STK3: variants seen among roughly 807,000 people sequenced by gnomAD.
STK3 encodes the protein serine/threonine-protein kinase 3.
In STK3, 41 loss-of-function variants were observed where a neutral mutation model predicts 58.0. That is an observed-to-expected ratio of 0.71 (90% CI 0.55 to 0.92). STK3 has a LOEUF of 0.92. Among genes scored for constraint, STK3 ranks in the 40% least tolerant of loss-of-function variants. The probability of loss-of-function intolerance (pLI) is 0.00; values close to 1 mark genes in which losing one functional copy is unlikely to be tolerated. For missense variants in STK3, 479 were observed against 602.7 expected, an observed-to-expected ratio of 0.79 and a Z score of 2.15; for synonymous variants, 170 against 191.0, an observed-to-expected ratio of 0.89 and a Z score of 0.91.
At chr8:98,814,350 ATTTTT>A (rs34675136) in intron 1 of STK3, among the ~76,000 whole-genome samples, 1 of 134,916 alleles carries the variant, frequency 7.4e-6, no homozygotes. Flanking sequence ...CGCGCCCAGC[ATTTTT>A]TTTTTTTTTT....
chr8:98,356,571 A>C, the STK3 span, among the ~76,000 whole-genome samples: 1 of 152,236 alleles, frequency 6.6e-6, no homozygotes, highest in Non-Finnish European at 1.5e-5. Context: ...GGGGGGCTCC[A>C]GTACATGCAG....
At chr8:98,820,139 C>T (rs1034582804) in intron 1 of STK3, among the ~76,000 whole-genome samples, 3 of 152,116 alleles carry the variant, frequency 2.0e-5, no homozygotes, top group African/African-American at 7.2e-5. Flanking sequence ...CTCATTTGCC[C>T]TTATGAAATT....
intron 6 of STK3, chr8:98,633,465 C>G (rs1192104304): frequency 1.7e-6 from 1 of 582,412 alleles, no homozygotes; most frequent in East Asian, 3.1e-5. Flanking sequence ...TCAGTTGGTA[C>G]TGATCCAGAA....
intron 6 of STK3, among the ~76,000 whole-genome samples, chr8:98,682,055 A>C (rs1823677717): frequency 6.6e-6 from 1 of 152,224 alleles, no homozygotes; most frequent in South Asian, 2.1e-4. Flanking sequence ...AAGATCCAGA[A>C]AAAGCAATGA....
At chr8:98,540,036 G>A (rs1304928021) in intron 9 of STK3, among the ~76,000 whole-genome samples, 1 of 152,128 alleles carries the variant, frequency 6.6e-6, no homozygotes, top group Non-Finnish European at 1.5e-5. Flanking sequence ...TTACAGGCGT[G>A]AGCCACTGCG....
chr8:98,580,634 ACAGGGGCTTGCTCTGTTGCC>A (rs1291976470), intron 7 of STK3, among the ~76,000 whole-genome samples: 2 of 152,192 alleles, frequency 1.3e-5, no homozygotes, highest in Non-Finnish European at 2.9e-5. Flanking sequence ...TTTGTTTGAG[ACAGGGGCTTGCTCTGTTGCC>A]CAGATGCGAG....
chr8:98,871,259 G>C (rs1234419625), intron 3 of STK3, among the ~76,000 whole-genome samples: 2 of 152,188 alleles, frequency 1.3e-5, no homozygotes, highest in African/African-American at 4.8e-5. Flanking sequence ...TTGTAGTATA[G>C]TTTGAGGTCA....
At chr8:98,445,481 AAAG>A (rs1436849246) in intron 1 of STK3, among the ~76,000 whole-genome samples, 1 of 152,182 alleles carries the variant, frequency 6.6e-6, no homozygotes, top group Non-Finnish European at 1.5e-5. Context: ...AATAAATATA[AAAG>A]ATTATTGAGA....
chr8:98,700,520 A>G (rs368514338), intron 6 of STK3, among the ~76,000 whole-genome samples: 39 of 151,632 alleles, frequency 2.6e-4, no homozygotes, highest in African/African-American at 8.4e-4. Context: ...TGCTTCCCCA[A>G]TAAAATCAAT....
intron 6 of STK3, among the ~76,000 whole-genome samples, chr8:98,665,511 C>T (rs899237185): frequency 6.6e-6 from 1 of 152,058 alleles, no homozygotes; most frequent in East Asian, 1.9e-4. Flanking sequence ...AATCCTCCCA[C>T]ATCAGCCTCC....
chr8:98,483,394 A>C (rs1821997854), intron 10 of STK3, among the ~76,000 whole-genome samples: 1 of 152,204 alleles, frequency 6.6e-6, no homozygotes, highest in Admixed American at 6.5e-5. Context: ...GATTTTTTAC[A>C]CCAGATTAGC....
chr8:98,584,537 T>C (rs1172813475), intron 7 of STK3, among the ~76,000 whole-genome samples: 2 of 151,836 alleles, frequency 1.3e-5, no homozygotes, highest in East Asian at 1.9e-4. Context: ...TTTGCTATTG[T>C]GAATAATGCC....
At chr8:98,806,872 G>A (rs1338967964) in intron 1 of STK3, among the ~76,000 whole-genome samples, 3 of 152,052 alleles carry the variant, frequency 2.0e-5, no homozygotes, top group African/African-American at 7.2e-5. Context: ...AAGATTAGGT[G>A]GGCTGAGCAC....
At chr8:98,623,777 C>T (rs1203966615) in intron 6 of STK3, among the ~76,000 whole-genome samples, 1 of 152,118 alleles carries the variant, frequency 6.6e-6, no homozygotes, top group African/African-American at 2.4e-5. Context: ...GAGCAAGACC[C>T]TGCCTCAAAC....
intron 3 of STK3, among the ~76,000 whole-genome samples, chr8:98,415,550 A>G (rs562327907): frequency 1.3e-5 from 2 of 152,274 alleles, no homozygotes; most frequent in African/African-American, 4.8e-5. Flanking sequence ...CTTCCCACTC[A>G]TGGATGTGCC....
At chr8:98,405,000 C>T (rs1236809364) in intron 3 of STK3, among the ~76,000 whole-genome samples, 1 of 152,130 alleles carries the variant, frequency 6.6e-6, no homozygotes, top group African/African-American at 2.4e-5. Flanking sequence ...ATACAGATAA[C>T]CTGTCTCATT....
intron 3 of STK3, among the ~76,000 whole-genome samples, chr8:98,852,013 GAAAA>G (rs1564061419): frequency 6.6e-6 from 1 of 151,830 alleles, no homozygotes; most frequent in Non-Finnish European, 1.5e-5. Flanking sequence ...AAATGAAAAA[GAAAA>G]AGAAAGAAGA....
At chr8:98,828,581 AAAAGAAAGAAAAG>A (rs1260644687), upstream of STK3, among the ~76,000 whole-genome samples, 3 of 151,958 alleles carry the variant, frequency 2.0e-5, no homozygotes, top group Admixed American at 6.6e-5. Flanking sequence ...ACCCTGTTTC[AAAAGAAAGAAAAG>A]AAAGAAAGAA....
intron 9 of STK3, among the ~76,000 whole-genome samples, chr8:98,535,839 C>A (rs548238782): frequency 6.6e-6 from 1 of 152,124 alleles, no homozygotes; most frequent in South Asian, 2.1e-4. Context: ...AAATTTTAAT[C>A]TTCTATAAAA....
Sources: allele counts gnomAD v4.1 joint callset (sites outside exome capture counted in the v4.1 genomes callset), GRCh38; gene constraint gnomAD v4.1.1; transcripts MANE v1.5; gene names NCBI Gene and HGNC (gene_info 2026-07-23, HGNC 2026-07-21).